The following INPP4B variants were observed in gnomAD, a reference collection of about 807,000 sequenced individuals.
INPP4B encodes inositol polyphosphate 4-phosphatase type II.
INPP4B carries 55 observed loss-of-function variants against 122.5 expected under a neutral mutation model. The observed-to-expected ratio is 0.45, with a 90% CI of 0.36 to 0.56. INPP4B has a LOEUF of 0.56. INPP4B is among the 20% of genes least tolerant of loss of function. INPP4B has a pLI of 0.00. For synonymous variants in INPP4B, 403 were observed against 388.7 expected, an observed-to-expected ratio of 1.04 and a Z score of -0.43; for missense variants, 1,000 against 1,097.7, an observed-to-expected ratio of 0.91 and a Z score of 1.26.
intron 1 of INPP4B, among the ~76,000 whole-genome samples, chr4:142,753,142 T>A (rs1769981285): frequency 6.6e-6 from 1 of 152,092 alleles, no homozygotes; most frequent in Non-Finnish European, 1.5e-5. Context: ...TAAAAAATAC[T>A]CAACACAATA....
chr4:142,680,108 C>A (rs940824742), intron 2 of INPP4B, among the ~76,000 whole-genome samples: 6 of 151,830 alleles, frequency 4.0e-5, no homozygotes, highest in African/African-American at 1.4e-4. Flanking sequence ...CATCACCATG[C>A]ATGAAACTAG....
chr4:142,272,987 C>T (rs1213122257), intron 9 of INPP4B, among the ~76,000 whole-genome samples: 2 of 151,942 alleles, frequency 1.3e-5, no homozygotes. Context: ...AATGCACCTA[C>T]TGATTTGCAA....
chr4:142,788,605 T>G (rs1423839756), intron 1 of INPP4B, among the ~76,000 whole-genome samples: 2 of 152,112 alleles, frequency 1.3e-5, no homozygotes, highest in African/African-American at 2.4e-5. Flanking sequence ...TGTAGTCTTT[T>G]ATCCCCCACC....
chr4:142,674,119 G>A (rs1463775191), intron 2 of INPP4B, among the ~76,000 whole-genome samples: 1 of 152,116 alleles, frequency 6.6e-6, no homozygotes, highest in East Asian at 1.9e-4. Flanking sequence ...GGTCATTCCA[G>A]GGTCTTTCCA....
At chr4:142,661,924 A>G (rs1485162136) in intron 2 of INPP4B, among the ~76,000 whole-genome samples, 4 of 152,164 alleles carry the variant, frequency 2.6e-5, no homozygotes, top group Non-Finnish European at 5.9e-5. Flanking sequence ...ACCCTAAAGC[A>G]TAATTGGTCA....
intron 17 of INPP4B, among the ~76,000 whole-genome samples, chr4:142,158,842 AG>A (rs1818570971): frequency 6.6e-6 from 1 of 151,940 alleles, no homozygotes; most frequent in Non-Finnish European, 1.5e-5. Context: ...AGTTAAAATG[AG>A]GGGGAAAAAT....
intron 8 of INPP4B, among the ~76,000 whole-genome samples, chr4:142,307,656 T>C (rs1161649021): frequency 6.6e-6 from 1 of 152,228 alleles, no homozygotes; most frequent in Non-Finnish European, 1.5e-5. Flanking sequence ...TATACTGCTG[T>C]AGTGAATTTT....
At chr4:142,357,321 T>A (rs1783937746) in intron 7 of INPP4B, among the ~76,000 whole-genome samples, 1 of 151,902 alleles carries the variant, frequency 6.6e-6, no homozygotes, top group Admixed American at 6.6e-5. Flanking sequence ...ACCTGTGGGG[T>A]CTTTGCTAAC....
chr4:142,048,096 A>G (rs1223669501), intron 25 of INPP4B, among the ~76,000 whole-genome samples: 1 of 152,156 alleles, frequency 6.6e-6, no homozygotes, highest in Non-Finnish European at 1.5e-5. Context: ...TGAGGTAGGT[A>G]CAAAGATCCA....
intron 1 of INPP4B, among the ~76,000 whole-genome samples, chr4:142,799,116 A>G (rs1430027613): frequency 6.6e-6 from 1 of 151,934 alleles, no homozygotes; most frequent in Non-Finnish European, 1.5e-5. Flanking sequence ...TCCATGGAAT[A>G]TCATTATAGA....
In INPP4B at chr4:142,174,593, A is replaced by C. The variant is rs1256183377; in HGVS notation, c.1182-784T>G. On this transcript the variant is annotated intron_variant, in intron 15 of 25. Transcript: ENST00000262992. ...ATGGTTTTCCATTTAACATACAAAG[A>C]AATCTAAAATTGATTATTAACTAAA... Among the ~76,000 whole-genome samples the C allele has an allele frequency of 3.3e-5, 5 of 151,202 alleles. No homozygotes were observed. In the Admixed American group the frequency reaches 3.3e-4, roughly 10 times the overall value.
chr4:142,840,817 CA>C (rs957436160), intron 1 of INPP4B, among the ~76,000 whole-genome samples: 16 of 151,962 alleles, frequency 1.1e-4, no homozygotes, highest in African/African-American at 3.9e-4. Flanking sequence ...TTCAGAACAA[CA>C]GGTCTAAAAT....
At chr4:142,263,935 G>A (rs990650639) in intron 10 of INPP4B, among the ~76,000 whole-genome samples, 10 of 151,968 alleles carry the variant, frequency 6.6e-5, no homozygotes, top group African/African-American at 2.4e-4. Context: ...GAACAACAAG[G>A]AAGACAATGT....
At chr4:142,291,511 C>G (rs753466096) in intron 9 of INPP4B, among the ~76,000 whole-genome samples, 1 of 152,136 alleles carries the variant, frequency 6.6e-6, no homozygotes, top group African/African-American at 2.4e-5. Flanking sequence ...ATGTTTGACT[C>G]AAAATTAGAA....
chr4:142,769,892 C>A (rs911461162), intron 1 of INPP4B, among the ~76,000 whole-genome samples: 1 of 151,864 alleles, frequency 6.6e-6, no homozygotes, highest in Non-Finnish European at 1.5e-5. Context: ...CCAGCCTGGG[C>A]GACAGAGTGA....
intron 2 of INPP4B, among the ~76,000 whole-genome samples, chr4:142,561,365 C>T (rs1730430325): frequency 6.6e-6 from 1 of 152,068 alleles, no homozygotes; most frequent in South Asian, 2.1e-4. Flanking sequence ...TAAATGGAAA[C>T]ATTGAAGGAG....
chr4:142,258,686 T>C (rs188429905), intron 11 of INPP4B, among the ~76,000 whole-genome samples: 23 of 152,278 alleles, frequency 1.5e-4, no homozygotes, highest in Middle Eastern at 3.4e-3. Context: ...ATGGCGATCA[T>C]TAAAAAGTCA....
chr4:142,247,541 T>G (rs1729534070), intron 11 of INPP4B, among the ~76,000 whole-genome samples: 1 of 152,212 alleles, frequency 6.6e-6, no homozygotes, highest in Non-Finnish European at 1.5e-5. Flanking sequence ...TGCCCAGGAA[T>G]TTATCCATTT....
At chr4:142,074,953 G>T (rs1769751177) in intron 25 of INPP4B, among the ~76,000 whole-genome samples, 1 of 151,902 alleles carries the variant, frequency 6.6e-6, no homozygotes, top group Admixed American at 6.6e-5. Context: ...CCTCCTCCAG[G>T]ATACCTCCTG....
Sources: gnomAD v4.1 joint callset for allele counts (sites outside exome capture counted in the v4.1 genomes callset) on GRCh38, gnomAD v4.1.1 for gene constraint, MANE v1.5 for transcripts, NCBI Gene and HGNC (gene_info 2026-07-23, HGNC 2026-07-21) for gene names.